The following VTI1A variants were observed in gnomAD, a reference collection of about 807,000 sequenced individuals.
The protein encoded by VTI1A is vesicle transport through interaction with t-SNAREs homolog 1A.
VTI1A carries 22 observed loss-of-function variants against 34.9 expected under a neutral mutation model. The observed-to-expected ratio is 0.63, with a 90% CI of 0.45 to 0.90. The LOEUF (loss-of-function observed/expected upper bound fraction) is 0.90, where lower values mean the gene tolerates loss of function less well. Ranked by LOEUF, VTI1A falls within the 40% of genes least tolerant of loss-of-function variation. The pLI, the probability that VTI1A is intolerant of heterozygous loss-of-function variation, is 0.00. For missense variants in VTI1A, 268 were observed against 275.6 expected (o/e 0.97, Z 0.20); for synonymous variants, 87 against 97.3 (o/e 0.89, Z 0.62).
At chr10:112,850,358 G>GAAAA in the VTI1A span, among the ~76,000 whole-genome samples, 5 of 143,792 alleles carry the variant, frequency 3.5e-5, no homozygotes, top group Admixed American at 1.4e-4. Flanking sequence ...ACCTTTAAAG[G>GAAAA]AAAAAAAAAA....
At chr10:112,684,191 C>T (rs1044663087) in intron 7 of VTI1A, among the ~76,000 whole-genome samples, 3 of 152,082 alleles carry the variant, frequency 2.0e-5, no homozygotes, top group African/African-American at 7.2e-5. Flanking sequence ...TTATGTACAA[C>T]ATATAAAACT....
chr10:112,720,345 A>G (rs1252787389), intron 7 of VTI1A, among the ~76,000 whole-genome samples: 4 of 152,166 alleles, frequency 2.6e-5, no homozygotes, highest in Non-Finnish European at 2.9e-5. Flanking sequence ...AAGTGTTCCA[A>G]TTTCTTCACC....
At chr10:112,807,714 G>A (rs1281718012) in intron 7 of VTI1A, among the ~76,000 whole-genome samples, 2 of 152,264 alleles carry the variant, frequency 1.3e-5, no homozygotes, top group African/African-American at 2.4e-5. Flanking sequence ...TTAGCTGGGC[G>A]TGGTGGCACA....
At chr10:112,598,489 T>C (rs1844753929) in intron 5 of VTI1A, among the ~76,000 whole-genome samples, 1 of 152,232 alleles carries the variant, frequency 6.6e-6, no homozygotes, top group Non-Finnish European at 1.5e-5. Context: ...ATTTAAATAT[T>C]TAGAGGCCTT....
At chr10:112,846,410 G>A in the VTI1A span, among the ~76,000 whole-genome samples, 2 of 152,192 alleles carry the variant, frequency 1.3e-5, no homozygotes, top group Non-Finnish European at 2.9e-5. Flanking sequence ...AAAACTTTCC[G>A]TGATGATGTT....
intron 5 of VTI1A, among the ~76,000 whole-genome samples, chr10:112,542,422 C>A (rs1327749521): frequency 1.3e-5 from 2 of 152,134 alleles, no homozygotes; most frequent in African/African-American, 4.8e-5. Flanking sequence ...CTTGCTCCCC[C>A]ATCCCTCACC....
chr10:112,452,439 G>A (rs7070086), intron 1 of VTI1A, among the ~76,000 whole-genome samples: 78,127 of 151,628 alleles, frequency 0.52, 21,368 homozygotes, highest in Non-Finnish European at 0.61. Context: ...GTAGTGGCAC[G>A]TGCCTCTAAT....
intron 5 of VTI1A, among the ~76,000 whole-genome samples, chr10:112,544,316 C>A (rs1444687819): frequency 6.6e-6 from 1 of 152,202 alleles, no homozygotes; most frequent in East Asian, 1.9e-4. Flanking sequence ...CTGCAATGTC[C>A]ACCTCCTGGT....
intron 3 of VTI1A, among the ~76,000 whole-genome samples, chr10:112,519,575 G>A (rs189605777): frequency 7.2e-5 from 11 of 152,204 alleles, no homozygotes; most frequent in Non-Finnish European, 1.5e-4. Context: ...GATAGAACTA[G>A]GTGAATCGTT....
intron 5 of VTI1A, among the ~76,000 whole-genome samples, chr10:112,635,924 C>T (rs1846337657): frequency 6.6e-6 from 1 of 152,096 alleles, no homozygotes; most frequent in Admixed American, 6.6e-5. Flanking sequence ...GGGAGTAAAA[C>T]TTGGAATAGT....
At chr10:112,580,016 AG>A (rs1274107301) in intron 5 of VTI1A, among the ~76,000 whole-genome samples, 2 of 152,140 alleles carry the variant, frequency 1.3e-5, no homozygotes, top group Non-Finnish European at 2.9e-5. Flanking sequence ...GAAGAAAAAA[AG>A]GTGGTTTTGA....
chr10:112,452,443 C>T (rs972081663), intron 1 of VTI1A, among the ~76,000 whole-genome samples: 14 of 151,844 alleles, frequency 9.2e-5, no homozygotes, highest in African/African-American at 3.4e-4. Flanking sequence ...TGGCACGTGC[C>T]TCTAATCCTA....
intron 5 of VTI1A, among the ~76,000 whole-genome samples, chr10:112,588,107 C>T (rs1844231449): frequency 6.6e-6 from 1 of 152,144 alleles, no homozygotes; most frequent in Admixed American, 6.5e-5. Context: ...TGTGCAGTAT[C>T]TTCTAACTTG....
chr10:112,495,034 T>G (rs567340477), intron 3 of VTI1A, among the ~76,000 whole-genome samples: 2 of 152,232 alleles, frequency 1.3e-5, no homozygotes, highest in African/African-American at 4.8e-5. Context: ...AGTAATTGTT[T>G]AAGGTATATG....
At chr10:112,553,833 C>T (rs938445578) in intron 5 of VTI1A, among the ~76,000 whole-genome samples, 8 of 152,216 alleles carry the variant, frequency 5.3e-5, no homozygotes, top group African/African-American at 1.9e-4. Context: ...TCTAATACAA[C>T]TTTATACTAA....
rs142868019 is a variant in VTI1A at position 112,531,999 on chromosome 10, GCTT to G, written c.342+4839_342+4841del. 6.3e-3 allele frequency among the ~76,000 whole-genome samples: 954 copies of G among 152,124 alleles called. 14 individuals carry two copies. Among genetic ancestry groups the G allele is most frequent in the African/African-American group, 0.022 (908 of 41,512 alleles). ...AGTGTGTTAATTAAAAATAAAGAAA[GCTT>G]CTTATTTTGAAACGATGATAATAAA... On this transcript the variant is annotated intron_variant, in intron 4 of 7. Coordinates refer to ENST00000393077, the MANE Select transcript of VTI1A (RefSeq NM_145206.4).
At chr10:112,786,774 T>C (rs1342641277) in intron 7 of VTI1A, among the ~76,000 whole-genome samples, 1 of 152,260 alleles carries the variant, frequency 6.6e-6, no homozygotes, top group African/African-American at 2.4e-5. Context: ...CTTGCATTTC[T>C]GGGATAAGTC....
chr10:112,800,244 A>C (rs534436428), intron 7 of VTI1A, among the ~76,000 whole-genome samples: 1 of 152,352 alleles, frequency 6.6e-6, no homozygotes, highest in East Asian at 1.9e-4. Context: ...AGAAGCTCAC[A>C]GAGCTGCAGA....
intron 5 of VTI1A, among the ~76,000 whole-genome samples, chr10:112,581,079 C>T (rs1589931414): frequency 1.3e-5 from 2 of 152,276 alleles, no homozygotes; most frequent in Middle Eastern, 6.8e-3. Flanking sequence ...ATGGATCACA[C>T]CAGTGGGCTC....
Sources: gnomAD v4.1 joint callset for allele counts (sites outside exome capture counted in the v4.1 genomes callset) on GRCh38, gnomAD v4.1.1 for gene constraint, MANE v1.5 for transcripts, NCBI Gene and HGNC (gene_info 2026-07-23, HGNC 2026-07-21) for gene names.